Variants in RNF213 observed in about 807,000 individuals in gnomAD.
RNF213 encodes the protein ring finger protein 213.
RNF213 carries 341 observed loss-of-function variants against 514.4 expected under a neutral mutation model. The observed-to-expected ratio is 0.66, with a 90% CI of 0.61 to 0.73. The LOEUF is 0.73. Among genes scored for constraint, RNF213 ranks in the 30% least tolerant of loss-of-function variants. The pLI is 0.00. For synonymous variants in RNF213, 2,655 were observed against 2,658.2 expected, an observed-to-expected ratio of 1.00 and a Z score of 0.04; for missense variants, 5,767 against 6,615.6, an observed-to-expected ratio of 0.87 and a Z score of 4.45.
chr17:80,391,296 C>T (rs1469319873), intron 67 of RNF213, among the ~76,000 whole-genome samples: 2 of 151,928 alleles, frequency 1.3e-5, no homozygotes, highest in East Asian at 1.9e-4. Flanking sequence ...TTTTTGAGAC[C>T]GTGTCTCACT....
chr17:80,359,606 AAG>A (rs146478822), intron 37 of RNF213, among the ~76,000 whole-genome samples: 7 of 148,574 alleles, frequency 4.7e-5, no homozygotes, highest in African/African-American at 1.5e-4. Flanking sequence ...GAGCGAGAGA[AAG>A]AGAGAAAGAA....
At chr17:80,349,103 TGGG>T (rs1248965407) in intron 29 of RNF213, among the ~76,000 whole-genome samples, 5 of 151,006 alleles carry the variant, frequency 3.3e-5, no homozygotes, top group Admixed American at 3.3e-4. Context: ...AGTGGGGGGA[TGGG>T]GGGTGGAGGG....
At position 80,363,170 on chromosome 17, in the gene RNF213, G is replaced by A. The variant is rs1490583137; in HGVS notation, c.11424G>A (p.Glu3808=). The A allele has an allele frequency of 6.2e-7, 1 of 1,614,122 alleles. No individual in the cohort carries two copies. Among genetic ancestry groups the A allele is most frequent in the Non-Finnish European group, 8.5e-7 (1 of 1,180,060 alleles). ...LKAASEAPEE[E]VSLPWVHLAY... The stretch of plus-strand genomic sequence containing the variant: ...CGGCGTCAGAAGCGCCCGAGGAAGA[G>A]GTTTCCTTACCGTGGGTGCACCTTG... Residue 3808 remains glutamate (E), a synonymous_variant, in exon 40 of 68, where the codon GAG becomes GAA. Coordinates refer to ENST00000582970, the MANE Select transcript of RNF213 (RefSeq NM_001256071.3).
Position 80,263,763 on chromosome 17 carries a change from G to C in RNF213, c.82G>C (p.Ala28Pro), listed in dbSNP as rs763575627. 2.5e-6 allele frequency: 4 copies of C among 1,614,074 alleles called. No homozygotes were observed. The highest frequency in any genetic ancestry group is 3.4e-6 in the Non-Finnish European group (4 of 1,179,974). The change falls in exon 2 of 68, where the codon GCA becomes CCA. Residue 28 changes from alanine to proline, a missense_variant. Around this residue, in one of 13 missense-constraint regions of RNF213, gnomAD observed 509 missense variants for 496.7 expected, o/e 1.02. Transcript: ENST00000582970. The surrounding 1 kb of genome is among the most constrained non-coding windows in gnomAD (Gnocchi z 4.9). ...CCAGTGCGGAGAGAGGCTGCCTCCT[G>C]CAGCCCCCATAGCAGGTGAGGCCCA... ...CSQCGERLPPAAPIADSENNN... is the reference protein window; with the variant it reads ...CSQCGERLPPPAPIADSENNN...
rs1237277519 is a variant in RNF213, at chr17:80,347,980, T to C, written c.9645T>C (p.Ser3215=). 6 of 1,614,080 alleles carry C rather than the reference T, an allele frequency of 3.7e-6. No homozygotes were observed. The highest frequency in any genetic ancestry group is 5.1e-6 in the Non-Finnish European group (6 of 1,180,008). Residue 3215 remains serine, a synonymous_variant, in exon 29 of 68, where the codon TCT becomes TCC. Coordinates refer to ENST00000582970, the MANE Select transcript of RNF213 (RefSeq NM_001256071.3). This position sits in a 1 kb window ranked among gnomAD's most constrained non-coding sequence, Gnocchi z 7.2. ...HFQKRHKYSP[S]DVFIGYHSDA... is the part of the protein sequence containing the mutation. ...AGAAGAGGCACAAATACAGCCCCTC[T>C]GACGTCTTCATCGGCTACCACTCGG... is the stretch of plus-strand genomic sequence containing the variant.
intron 38 of RNF213, among the ~76,000 whole-genome samples, chr17:80,360,856 T>C (rs2079029184): frequency 6.6e-6 from 1 of 152,244 alleles, no homozygotes. Flanking sequence ...GGCCTTCTTT[T>C]CTAGGTTACC....
Position 80,347,762 on chromosome 17 carries a change from C to T in RNF213, c.9427C>T (p.His3143Tyr). The T allele has an allele frequency of 6.2e-7, 1 of 1,614,194 alleles. No individual in the cohort carries two copies. Among genetic ancestry groups the T allele is most frequent in the African/African-American group, 1.3e-5 (1 of 75,068 alleles). Residue 3143 changes from histidine (H) to tyrosine (Y), a missense_variant, in exon 29 of 68, where the codon CAC (histidine) becomes TAC (tyrosine). His to Tyr is a moderately conservative substitution (Grantham distance 83, BLOSUM62 2). Coordinates refer to ENST00000582970, the MANE Select transcript of RNF213 (RefSeq NM_001256071.3). The surrounding 1 kb of genome is among the most constrained non-coding windows in gnomAD (Gnocchi z 7.2). The part of the protein sequence containing the change: ...LGTHRVKCRV[H>Y]PNFRLIVIEE... The stretch of plus-strand genomic sequence containing the variant: ...GACCCACCGCGTCAAATGTCGGGTT[C>T]ACCCCAACTTCCGCCTGATTGTCAT...
intron 36 of RNF213, 76 bp downstream of exon 36, chr17:80,354,652 T>G: frequency 6.4e-7 from 1 of 1,557,454 alleles, no homozygotes. Context: ...GGATCCTCTC[T>G]CCATCCGGGC....
At chr17:80,262,448 T>C (rs1018086521) in intron 1 of RNF213, among the ~76,000 whole-genome samples, 4 of 152,042 alleles carry the variant, frequency 2.6e-5, no homozygotes, top group Admixed American at 6.6e-5. Flanking sequence ...TGTCTTGTTG[T>C]GCAGATAATC....
intron 18 of RNF213, 57 bp from the exon 19 acceptor site, chr17:80,327,759 G>T: frequency 7.0e-7 from 1 of 1,420,826 alleles, no homozygotes; most frequent in South Asian, 1.3e-5. Context: ...CACGGTAACG[G>T]CAAAGAGGCA....
intron 50 of RNF213, 24 bp downstream of exon 50, chr17:80,374,613 T>C: frequency 1.9e-6 from 3 of 1,613,622 alleles, no homozygotes; most frequent in Non-Finnish European, 2.5e-6. Context: ...GTGGCTTCTC[T>C]CTGATACCAG....
chr17:80,319,886 C>G, intron 17 of RNF213: 1 of 1,099,798 alleles, frequency 9.1e-7, no homozygotes, highest in South Asian at 2.6e-5. Context: ...AACCCCTGTA[C>G]AAGCACAGCC....
chr17:80,301,825 T>G (rs887340252), intron 11 of RNF213, among the ~76,000 whole-genome samples: 2 of 152,194 alleles, frequency 1.3e-5, no homozygotes, highest in African/African-American at 2.4e-5. Context: ...GTTGAAGAGA[T>G]AGCTGCACTC....
Position 80,318,780 on chromosome 17 carries a change from A to G in RNF213, c.2902-410A>G, listed in dbSNP as rs900259584. ...TGTAGAGACGGGGTTTCACCGTGTT[A>G]GCCAGGATGGTCTCGATCTCCTGAC... On this transcript the variant is annotated intron_variant, in intron 16 of 67. Coordinates refer to ENST00000582970, the MANE Select transcript of RNF213 (RefSeq NM_001256071.3). 9.2e-5 allele frequency among the ~76,000 whole-genome samples: 14 copies of G among 152,044 alleles called. No homozygotes were observed. In the East Asian group the frequency reaches 1.9e-3, roughly 21 times the overall value.
chr17:80,344,082 T>G (rs2078239318), intron 28 of RNF213, 67 bp downstream of exon 28: 5 of 1,549,976 alleles, frequency 3.2e-6, no homozygotes, highest in Non-Finnish European at 4.4e-6. Flanking sequence ...CTTACTGAAG[T>G]GGAATGGCGC....
intron 18 of RNF213, among the ~76,000 whole-genome samples, chr17:80,327,117 T>C (rs1451121615): frequency 6.6e-6 from 1 of 152,228 alleles, no homozygotes; most frequent in Non-Finnish European, 1.5e-5. Context: ...TTGCTAGGTA[T>C]GTCTGCATCC....
chr17:80,277,782 C>T (rs960292971), intron 3 of RNF213, among the ~76,000 whole-genome samples: 1 of 152,210 alleles, frequency 6.6e-6, no homozygotes, highest in East Asian at 1.9e-4. Context: ...TATGCGTGAA[C>T]GGTGCTCTAA....
chr17:80,264,622 T>C lies in RNF213; in HGVS notation c.97+844T>C, dbSNP rs1240036208. ...ACCCATCACCCCGGGGCCCTCTCCT[T>C]CCTCCATGACCCACATGCAGAGGGC... On this transcript the variant is annotated intron_variant, in intron 2 of 67. Transcript: ENST00000582970. The surrounding 1 kb of genome is among the most constrained non-coding windows in gnomAD (Gnocchi z 5.0). 6.6e-6 allele frequency among the ~76,000 whole-genome samples: 1 copy of C among 152,008 alleles called. No individual in the cohort carries two copies. The highest frequency in any genetic ancestry group is 2.4e-5 in the African/African-American group (1 of 41,388).
Position 80,346,157 on chromosome 17 carries a change from G to C in RNF213, c.7822G>C (p.Asp2608His). The stretch of plus-strand genomic sequence containing the variant: ...GAGACTGGTTGAGTCCATCAGCCTA[G>C]ATGAAAACGGGACTCGCGTGATCAC... The part of the protein sequence containing the change: ...VQRLVESISL[D>H]ENGTRVITEV... The change falls in exon 29 of 68, where the codon GAT becomes CAT. Residue 2608 changes from aspartate to histidine, a missense_variant. By Grantham distance (81) the Asp-to-His change is moderately conservative (BLOSUM62 -1). Transcript: ENST00000582970. This position sits in a 1 kb window ranked among gnomAD's most constrained non-coding sequence, Gnocchi z 8.1. The C allele has an allele frequency of 6.2e-7, 1 of 1,614,204 alleles. No homozygotes were observed. Among genetic ancestry groups the C allele is most frequent in the Non-Finnish European group, 8.5e-7 (1 of 1,180,046 alleles).
Sources: allele counts gnomAD v4.1 joint callset (sites outside exome capture counted in the v4.1 genomes callset), GRCh38; gene constraint gnomAD v4.1.1; regional missense constraint gnomAD v4.1.1; non-coding constraint Gnocchi (gnomAD v3.1); transcripts MANE v1.5; gene names NCBI Gene and HGNC (gene_info 2026-07-23, HGNC 2026-07-21).